Variants in AKAP19 observed in about 807,000 individuals in gnomAD.
AKAP19 encodes small A-kinase anchoring protein.
chr2:190,083,530 A>G, the AKAP19 span, among the ~76,000 whole-genome samples: 9 of 142,762 alleles, frequency 6.3e-5, no homozygotes, highest in South Asian at 1.1e-3. Context: ...CTTTGTGAAA[A>G]GTAGGTTTTT....
the AKAP19 span, among the ~76,000 whole-genome samples, chr2:189,885,572 T>G: frequency 2.6e-5 from 4 of 152,176 alleles, no homozygotes; most frequent in African/African-American, 9.7e-5. Context: ...TAAAAATTGC[T>G]GAACCATTAA....
At chr2:190,034,534 C>CAAAAA in the AKAP19 span, among the ~76,000 whole-genome samples, 23 of 68,236 alleles carry the variant, frequency 3.4e-4, 1 homozygote, top group Non-Finnish European at 4.7e-4. Context: ...GGCTACAGTG[C>CAAAAA]AAAAAAAAAA....
At chr2:190,035,804 T>C in the AKAP19 span, among the ~76,000 whole-genome samples, 2 of 152,248 alleles carry the variant, frequency 1.3e-5, no homozygotes, top group Non-Finnish European at 2.9e-5. Context: ...GTACCACAAT[T>C]CATTTACCAG....
At chr2:189,975,072 G>A in the AKAP19 span, among the ~76,000 whole-genome samples, 8 of 152,142 alleles carry the variant, frequency 5.3e-5, no homozygotes, top group Non-Finnish European at 1.2e-4. Flanking sequence ...TTTCTTCCTA[G>A]CACTGATGGT....
the AKAP19 span, among the ~76,000 whole-genome samples, chr2:190,116,074 A>G: frequency 6.6e-6 from 1 of 152,220 alleles, no homozygotes; most frequent in East Asian, 1.9e-4. Context: ...TAGAAGAGGT[A>G]TATTCTCACT....
At chr2:190,038,901 T>TTTCTTTCTTTCCTCTTCTTC in the AKAP19 span, among the ~76,000 whole-genome samples, 1 of 46,002 alleles carries the variant, frequency 2.2e-5, no homozygotes, top group African/African-American at 7.3e-5. Flanking sequence ...TCTTTCTTTC[T>TTTCTTTCTTTCCTCTTCTTC]TTCTTCTTCT....
At chr2:190,166,792 C>T in the AKAP19 span, among the ~76,000 whole-genome samples, 8 of 152,114 alleles carry the variant, frequency 5.3e-5, no homozygotes, top group African/African-American at 1.9e-4. Flanking sequence ...AGCCCTACAA[C>T]AAACATTGTA....
At chr2:189,965,952 A>ATG in the AKAP19 span, among the ~76,000 whole-genome samples, 11,320 of 149,854 alleles carry the variant, frequency 0.076, 505 homozygotes, top group East Asian at 0.21. Flanking sequence ...GTATGTATGT[A>ATG]TGTGTGTGTG....
chr2:189,888,233 T>C, the AKAP19 span, among the ~76,000 whole-genome samples: 1 of 152,240 alleles, frequency 6.6e-6, no homozygotes, highest in Non-Finnish European at 1.5e-5. Flanking sequence ...TGCTTGTTTT[T>C]GTCAGGTTTA....
the AKAP19 span, among the ~76,000 whole-genome samples, chr2:189,994,015 T>TA: frequency 6.8e-6 from 1 of 146,334 alleles, no homozygotes; most frequent in Non-Finnish European, 1.5e-5. Context: ...TCTGCTCTGA[T>TA]CTTTTTTTTT....
the AKAP19 span, among the ~76,000 whole-genome samples, chr2:189,882,366 G>A: frequency 6.6e-6 from 1 of 152,132 alleles, no homozygotes; most frequent in Admixed American, 6.5e-5. Flanking sequence ...GCCTCAGAAG[G>A]TCCTTACGAC....
chr2:190,051,503 G>C, the AKAP19 span, among the ~76,000 whole-genome samples: 14,086 of 152,188 alleles, frequency 0.093, 1,400 homozygotes, highest in African/African-American at 0.24. Flanking sequence ...CCACACACCT[G>C]TCTCAGTGAA....
chr2:189,945,692 T>C, the AKAP19 span, among the ~76,000 whole-genome samples: 9 of 152,172 alleles, frequency 5.9e-5, no homozygotes. Flanking sequence ...AAATTATAGA[T>C]TGGCATTCAA....
At chr2:189,989,883 A>G in the AKAP19 span, among the ~76,000 whole-genome samples, 3 of 152,120 alleles carry the variant, frequency 2.0e-5, no homozygotes, top group Admixed American at 6.6e-5. Context: ...TTAGAGAGAC[A>G]TTCTGAGTTC....
the AKAP19 span, among the ~76,000 whole-genome samples, chr2:189,911,469 G>A: frequency 5.3e-5 from 8 of 152,152 alleles, no homozygotes; most frequent in South Asian, 4.1e-4. Context: ...GTTTGTAGTA[G>A]CTATTCAAGT....
At chr2:190,170,791 C>CT in the AKAP19 span, among the ~76,000 whole-genome samples, 1 of 152,074 alleles carries the variant, frequency 6.6e-6, no homozygotes, top group Non-Finnish European at 1.5e-5. Context: ...TTTCTTATCG[C>CT]TTTTTGTAAA....
At chr2:190,187,717 G>C in the AKAP19 span, among the ~76,000 whole-genome samples, 1 of 152,128 alleles carries the variant, frequency 6.6e-6, no homozygotes, top group Non-Finnish European at 1.5e-5. Context: ...ACGTGGGCAT[G>C]GTGGCACGTG....
the AKAP19 span, among the ~76,000 whole-genome samples, chr2:190,012,261 A>G: frequency 3.3e-5 from 5 of 152,040 alleles, no homozygotes; most frequent in South Asian, 1.0e-3. Flanking sequence ...AGTAGCTGGG[A>G]CCACAGTCAC....
the AKAP19 span, among the ~76,000 whole-genome samples, chr2:189,950,106 C>A: frequency 6.9e-6 from 1 of 145,704 alleles, no homozygotes; most frequent in Non-Finnish European, 1.5e-5. Flanking sequence ...CAGCTCACTG[C>A]AACTTCCATC....
Sources: allele counts gnomAD v4.1 joint callset (sites outside exome capture counted in the v4.1 genomes callset), GRCh38; gene constraint gnomAD v4.1.1; transcripts MANE v1.5; gene names NCBI Gene and HGNC (gene_info 2026-07-23, HGNC 2026-07-21).